The following SMOC1 variants were observed in gnomAD, a reference collection of about 807,000 sequenced individuals.
SMOC1 encodes SPARC-related modular calcium-binding protein 1.
In SMOC1, 22 loss-of-function variants were observed where a neutral mutation model predicts 56.3. The ratio of observed to expected loss-of-function variants is 0.39; its 90% CI spans 0.28 to 0.56. The LOEUF (loss-of-function observed/expected upper bound fraction) is 0.56, where lower values mean the gene tolerates loss of function less well. Among genes scored for constraint, SMOC1 ranks in the 20% least tolerant of loss-of-function variants. SMOC1 has a pLI of 0.61. For missense variants in SMOC1, 509 were observed against 565.4 expected, an observed-to-expected ratio of 0.90 and a Z score of 1.01; for synonymous variants, 193 against 215.0, an observed-to-expected ratio of 0.90 and a Z score of 0.89.
In SMOC1 at chr14:69,952,206, T is replaced by C; in HGVS notation, c.168T>C (p.Cys56=). The C allele has an allele frequency of 1.2e-6, 2 of 1,614,196 alleles. No individual in the cohort carries two copies. The highest frequency in any genetic ancestry group is 1.3e-5 in the African/African-American group (1 of 75,050). The stretch of plus-strand genomic sequence containing the variant: ...CCAGGACTCAACCCAAACCCATCTG[T>C]GCCTCTGATGGCAGGTCCTACGAGT... ...HCSRTQPKPI[C]ASDGRSYESM... The change falls in exon 2 of 12, where the codon TGT becomes TGC. Residue 56 remains cysteine (C), a synonymous_variant. Transcript: ENST00000361956.
intron 1 of SMOC1, among the ~76,000 whole-genome samples, chr14:69,922,589 A>G (rs1000008772): frequency 2.0e-5 from 3 of 152,218 alleles, no homozygotes; most frequent in South Asian, 2.1e-4. Flanking sequence ...TGCAGCCTCC[A>G]GCATCCTTCT....
At chr14:69,987,852 C>T (rs2139531061) in intron 5 of SMOC1, among the ~76,000 whole-genome samples, 1 of 152,324 alleles carries the variant, frequency 6.6e-6, no homozygotes, top group South Asian at 2.1e-4. Context: ...TGTGCTGTCA[C>T]ACAAACCCAC....
intron 6 of SMOC1, among the ~76,000 whole-genome samples, chr14:69,993,344 T>C (rs1020243438): frequency 2.0e-5 from 3 of 152,154 alleles, no homozygotes; most frequent in Non-Finnish European, 4.4e-5. Flanking sequence ...TCAGGGCCTG[T>C]ACTCTAAAGT....
chr14:69,976,833 G>T (rs977747389), intron 4 of SMOC1, among the ~76,000 whole-genome samples: 2 of 152,196 alleles, frequency 1.3e-5, no homozygotes, highest in African/African-American at 4.8e-5. Context: ...AAATTCCAAA[G>T]GCTGACAGTC....
chr14:69,884,535 CT>C (rs1260444279), intron 1 of SMOC1, among the ~76,000 whole-genome samples: 2 of 152,094 alleles, frequency 1.3e-5, no homozygotes, highest in Non-Finnish European at 2.9e-5. Flanking sequence ...AGCTTTCCCC[CT>C]ATGTTTTCTT....
rs367627862 is a variant in SMOC1, at chr14:69,952,266, C to T, written c.228C>T (p.Asp76=). Residue 76 remains aspartate (D), a synonymous_variant, in exon 2 of 12, where the codon GAC becomes GAT. Coordinates refer to ENST00000361956, the MANE Select transcript of SMOC1 (RefSeq NM_001034852.3). ...MCEYQRAKCR[D]PTLGVVHRGR... Reference sequence around the variant, plus strand: ...AGTACCAGCGAGCCAAGTGCCGAGACCCGACCCTGGGCGTGGTGCATCGAG... The same window carrying T: ...AGTACCAGCGAGCCAAGTGCCGAGATCCGACCCTGGGCGTGGTGCATCGAG... 3.1e-6 allele frequency: 5 copies of T among 1,614,206 alleles called. No individual in the cohort carries two copies. The African/African-American group carries it at 5.3e-5, about 17-fold the overall frequency.
chr14:69,919,640 C>T (rs1288938933), intron 1 of SMOC1, among the ~76,000 whole-genome samples: 1 of 152,072 alleles, frequency 6.6e-6, no homozygotes, highest in Admixed American at 6.6e-5. Flanking sequence ...CAAGCTTGGC[C>T]CAGTGGGACT....
chr14:70,030,153 G>T (rs1275817887), intron 11 of SMOC1, 89 bp from the exon 12 acceptor site: 1 of 1,590,824 alleles, frequency 6.3e-7, no homozygotes, highest in Non-Finnish European at 8.6e-7. Context: ...GACATAGCTG[G>T]ATTTCTCACA....
At chr14:69,998,695 G>A (rs2139558697) in intron 7 of SMOC1, among the ~76,000 whole-genome samples, 1 of 152,244 alleles carries the variant, frequency 6.6e-6, no homozygotes, top group African/African-American at 2.4e-5. Flanking sequence ...TAATCTCTCA[G>A]GAAATATCTT....
chr14:69,894,614 C>G (rs942479154), intron 1 of SMOC1, among the ~76,000 whole-genome samples: 1 of 152,138 alleles, frequency 6.6e-6, no homozygotes, highest in Admixed American at 6.5e-5. Flanking sequence ...GTGTTGGGAT[C>G]TGTGACATTT....
In SMOC1 at chr14:70,010,803, C is replaced by A. The variant is rs551028461; in HGVS notation, c.714C>A (p.Ala238=). 46 of 1,614,182 alleles carry A rather than the reference C, an allele frequency of 2.8e-5. No individual in the cohort carries two copies. The South Asian group carries it at 5.1e-4, about 18-fold the overall frequency. The change falls in exon 8 of 12, where the codon GCC becomes GCA. Residue 238 remains alanine, a synonymous_variant. Transcript: ENST00000361956. The part of the protein sequence containing the change: ...DQERQSALEE[A]QQNPREGIVI... ...AGAGGCAGAGTGCCCTGGAAGAGGC[C>A]CAGCAGAATCCCCGTGAGGGTATTG... is the stretch of plus-strand genomic sequence containing the variant.
At chr14:69,924,702 T>C (rs1884945108) in intron 1 of SMOC1, among the ~76,000 whole-genome samples, 1 of 89,944 alleles carries the variant, frequency 1.1e-5, no homozygotes, top group Non-Finnish European at 2.2e-5. Context: ...GTAAGGGAGC[T>C]AGGGGAGGTA....
At chr14:69,937,707 C>T (rs1423363272) in intron 1 of SMOC1, among the ~76,000 whole-genome samples, 4 of 152,216 alleles carry the variant, frequency 2.6e-5, no homozygotes, top group Non-Finnish European at 5.9e-5. Flanking sequence ...GCTATTTCTT[C>T]TCCCCTTTTG....
chr14:70,010,578 C>A (rs775436299), intron 7 of SMOC1, among the ~76,000 whole-genome samples, 176 bp from the exon 8 acceptor site: 1 of 152,202 alleles, frequency 6.6e-6, no homozygotes, highest in African/African-American at 2.4e-5. Context: ...CCTCCAGGCC[C>A]CTCAGCATGC....
At chr14:69,970,971 C>A (rs1478787070) in intron 3 of SMOC1, among the ~76,000 whole-genome samples, 2 of 152,138 alleles carry the variant, frequency 1.3e-5, no homozygotes, top group Non-Finnish European at 1.5e-5. Flanking sequence ...AGAGATGAAA[C>A]TTACTTATCT....
At chr14:69,919,924 T>G (rs967117850) in intron 1 of SMOC1, among the ~76,000 whole-genome samples, 5 of 130,524 alleles carry the variant, frequency 3.8e-5, no homozygotes, top group African/African-American at 1.1e-4. Flanking sequence ...CCCCCCCCCT[T>G]TCTCCCCTGG....
At position 69,901,771 on chromosome 14, in the gene SMOC1, G is replaced by A. The variant is rs879374192; in HGVS notation, c.99+21994G>A. Among the ~76,000 whole-genome samples the A allele has an allele frequency of 3.9e-5, 6 of 152,320 alleles. No homozygotes were observed. In the East Asian group the frequency reaches 7.7e-4, roughly 20 times the overall value. On this transcript the variant is annotated intron_variant, in intron 1 of 11. Coordinates refer to ENST00000361956, the MANE Select transcript of SMOC1 (RefSeq NM_001034852.3). ...TGTTCAGTGGTGCACACACCACCCC[G>A]CTGGGAAACAGGGACTTGTCAGCTG...
chr14:70,007,629 A>G (rs141834714), intron 7 of SMOC1, among the ~76,000 whole-genome samples: 406 of 152,332 alleles, frequency 2.7e-3, no homozygotes, highest in Non-Finnish European at 3.5e-3. Flanking sequence ...AACACTGTCT[A>G]GAGGTTAGCA....
intron 11 of SMOC1, among the ~76,000 whole-genome samples, chr14:70,029,136 C>CG (rs1339115021): frequency 6.6e-6 from 1 of 152,140 alleles, no homozygotes; most frequent in Non-Finnish European, 1.5e-5. Flanking sequence ...GGAGTGGTGG[C>CG]GGGGGGCAGC....
Sources: gnomAD v4.1 joint callset for allele counts (sites outside exome capture counted in the v4.1 genomes callset) on GRCh38, gnomAD v4.1.1 for gene constraint, MANE v1.5 for transcripts, NCBI Gene and HGNC (gene_info 2026-07-23, HGNC 2026-07-21) for gene names.